The following OTUB1 variants were observed in gnomAD, a reference collection of about 807,000 sequenced individuals.
OTUB1 encodes ubiquitin thioesterase OTUB1.
A neutral mutation model predicts 35.8 loss-of-function variants in OTUB1; 10 were observed. The observed-to-expected ratio is 0.28, with a 90% CI of 0.17 to 0.47. OTUB1 has a LOEUF of 0.47. Among genes scored for constraint, OTUB1 ranks in the 20% least tolerant of loss-of-function variants. OTUB1 has a pLI of 0.99. For missense variants in OTUB1, 264 were observed against 351.6 expected, an observed-to-expected ratio of 0.75 and a Z score of 1.99; for synonymous variants, 158 against 143.8, an observed-to-expected ratio of 1.10 and a Z score of -0.71.
At position 63,996,513 on chromosome 11, in the gene OTUB1, T is replaced by C; in HGVS notation, c.220-17T>C. 6.2e-7 allele frequency: 1 copy of C among 1,613,410 alleles called. No individual in the cohort carries two copies. The highest frequency in any genetic ancestry group is 1.7e-4 in the Middle Eastern group (1 of 6,046). ...CTGGCCTGATGTTAACCTGTCGGGG[T>C]GGGGCTGTCTCCGCAGGACCTCCAC... On this transcript the variant is annotated splice_polypyrimidine_tract_variant and intron_variant, in intron 3 of 6. Coordinates refer to ENST00000538426, the MANE Select transcript of OTUB1 (RefSeq NM_017670.3).
At chr11:63,996,392 T>A (rs1942716800) in intron 3 of OTUB1, 138 bp from the exon 4 acceptor site, 1 of 861,802 alleles carries the variant, frequency 1.2e-6, no homozygotes, top group Admixed American at 2.5e-5. Flanking sequence ...GCAGCCTGTT[T>A]CAGGGACCCA....
At chr11:63,993,085 G>A (rs1424742447) in intron 3 of OTUB1, among the ~76,000 whole-genome samples, 1 of 152,254 alleles carries the variant, frequency 6.6e-6, no homozygotes. Flanking sequence ...TCTGCTGGAG[G>A]CGGGCAGCGG....
Position 63,986,501 on chromosome 11 carries a change from C to T in OTUB1, c.45C>T (p.Gly15=), listed in dbSNP as rs565620246. Residue 15 remains glycine (G), a synonymous_variant, in exon 1 of 7, where the codon GGC becomes GGT. Transcript: ENST00000538426. Reference sequence around the variant, plus strand: ...AGCAGCAGAAGCAGGAGCCGCTGGGCAGCGACTCCGAAGGTACAGATCCAA... The same window carrying T: ...AGCAGCAGAAGCAGGAGCCGCTGGGTAGCGACTCCGAAGGTACAGATCCAA... ...EPQQQKQEPL[G]SDSEGVNCLA... 5 of 1,551,928 alleles carry T rather than the reference C, an allele frequency of 3.2e-6. No homozygotes were observed. Among genetic ancestry groups the T allele is most frequent in the African/African-American group, 2.7e-5 (2 of 73,070 alleles).
chr11:63,995,007 T>C (rs923457601), intron 3 of OTUB1, among the ~76,000 whole-genome samples: 1 of 151,862 alleles, frequency 6.6e-6, no homozygotes, highest in African/African-American at 2.4e-5. Flanking sequence ...GTGGGAAAAA[T>C]TGATGATGGG....
At position 63,997,962 on chromosome 11, in the gene OTUB1, T is replaced by TTCA; in HGVS notation, c.*419_*421dup. 1.7e-6 allele frequency: 1 copy of TTCA among 587,724 alleles called. No homozygotes were observed. Among genetic ancestry groups the TTCA allele is most frequent in the South Asian group, 2.0e-5 (1 of 49,552 alleles). The allele number at this position is 587,724 out of a possible 1,614,324, so 36.4% of individuals were successfully genotyped here. A position where few individuals can be genotyped will look rare whatever the true frequency, so the allele number is the denominator to read the frequency against. Reference sequence around the variant, plus strand: ...CCCAGGGTCCCAGGGCCACCCACACTTCATCTGCTCCCTCATAGGCCCCAC... The same window carrying TTCA: ...CCCAGGGTCCCAGGGCCACCCACACTTCATCATCTGCTCCCTCATAGGCCCCAC... On this transcript the variant is annotated 3_prime_UTR_variant, in exon 7 of 7. Transcript: ENST00000538426.
intron 3 of OTUB1, among the ~76,000 whole-genome samples, chr11:63,993,955 CG>C (rs1230414037): frequency 2.0e-5 from 3 of 152,026 alleles, no homozygotes; most frequent in Admixed American, 2.0e-4. Flanking sequence ...GGTGAAATCC[CG>C]TCTCTACAAA....
chr11:63,992,289 G>T (rs1313550749), intron 3 of OTUB1, among the ~76,000 whole-genome samples: 3 of 152,072 alleles, frequency 2.0e-5, no homozygotes. Context: ...CCTTGCTGAT[G>T]AGGTGGTATT....
Position 63,997,855 on chromosome 11 carries a change from C to G in OTUB1, c.*309C>G, listed in dbSNP as rs1942740166. ...GGGCCAGGCCTCTTGGAGGCCCCTCCTGCTTCGTTGGGTTCTGCTTCCTTC... is the reference window on the plus strand; with the variant it reads ...GGGCCAGGCCTCTTGGAGGCCCCTCGTGCTTCGTTGGGTTCTGCTTCCTTC... On this transcript the variant is annotated 3_prime_UTR_variant, in exon 7 of 7. Transcript: ENST00000538426. 7 of 677,004 alleles carry G rather than the reference C, an allele frequency of 1.0e-5. No homozygotes were observed. In the East Asian group the frequency reaches 1.9e-4, roughly 18 times the overall value. The allele number at this position is 677,004 out of a possible 1,614,324, so 41.9% of individuals were successfully genotyped here. A position where few individuals can be genotyped will look rare whatever the true frequency, so the allele number is the denominator to read the frequency against.
Position 63,995,847 on chromosome 11 carries a change from G to A in OTUB1, c.220-683G>A, listed in dbSNP as rs1045623597. ...TGCCCAGGCCAGGGGAGTGAAGTGT[G>A]CTTGCCAGGTGAAGTGTGCGTGGTG... On this transcript the variant is annotated intron_variant, in intron 3 of 6. Coordinates refer to ENST00000538426, the MANE Select transcript of OTUB1 (RefSeq NM_017670.3). 3.3e-5 allele frequency among the ~76,000 whole-genome samples: 5 copies of A among 152,150 alleles called. No homozygotes were observed. The South Asian group carries it at 6.2e-4, about 19-fold the overall frequency.
In OTUB1 at chr11:63,988,689, G is replaced by A. The variant is rs139788271; in HGVS notation, c.156G>A (p.Leu52=). 5 of 1,613,436 alleles carry A rather than the reference G, an allele frequency of 3.1e-6. No individual in the cohort carries two copies. Among genetic ancestry groups the A allele is most frequent in the South Asian group, 2.2e-5 (2 of 91,068 alleles). The change falls in exon 3 of 7, where the codon CTG becomes CTA. Residue 52 remains leucine, a synonymous_variant. Transcript: ENST00000538426. ...AGAACCCTCTGGTGTCAGAGCGGCTGGAGCTCTCGGTCCTATACAAGGAGT... is the reference window on the plus strand; with the variant it reads ...AGAACCCTCTGGTGTCAGAGCGGCTAGAGCTCTCGGTCCTATACAAGGAGT... ...AVQNPLVSER[L]ELSVLYKEYA...
intron 1 of OTUB1, chr11:63,986,884 C>G (rs1942625978): frequency 9.0e-6 from 2 of 221,842 alleles, no homozygotes; most frequent in Admixed American, 1.2e-4. Context: ...GCCGAGCCCC[C>G]CGGCCTGCTC....
Position 63,988,368 on chromosome 11 carries a change from C to T in OTUB1, c.90C>T (p.Ile30=), listed in dbSNP as rs996980060. Residue 30 remains isoleucine, a synonymous_variant, in exon 2 of 7, where the codon ATC becomes ATT. Coordinates refer to ENST00000538426, the MANE Select transcript of OTUB1 (RefSeq NM_017670.3). The stretch of plus-strand genomic sequence containing the variant: ...ACTGTCTGGCCTATGATGAAGCCAT[C>T]ATGGCTCAGCAGGACCGAATTCAGC... ...GVNCLAYDEA[I]MAQQDRIQQE... 3 of 1,554,186 alleles carry T rather than the reference C, an allele frequency of 1.9e-6. No homozygotes were observed. Among genetic ancestry groups the T allele is most frequent in the African/African-American group, 1.4e-5 (1 of 73,264 alleles).
chr11:63,995,019 G>C (rs1942704153), intron 3 of OTUB1, among the ~76,000 whole-genome samples: 1 of 151,898 alleles, frequency 6.6e-6, no homozygotes. Context: ...GATGATGGGG[G>C]TACTTCCTAG....
chr11:63,998,388 T>C lies in OTUB1; in HGVS notation c.*842T>C. Reference sequence around the variant, plus strand: ...CTGTGAGCTCCTTGGGGGCAGGCCCTCAATAAATGTGAACTGCTGCTGCCG... The same window carrying C: ...CTGTGAGCTCCTTGGGGGCAGGCCCCCAATAAATGTGAACTGCTGCTGCCG... On this transcript the variant is annotated 3_prime_UTR_variant, in exon 7 of 7. Transcript: ENST00000538426. The C allele has an allele frequency of 5.9e-6, 1 of 170,478 alleles. No homozygotes were observed. The highest frequency in any genetic ancestry group is 1.2e-5 in the Non-Finnish European group (1 of 80,748). The allele number at this position is 170,478 out of a possible 1,614,324, so 10.6% of individuals were successfully genotyped here. A position where few individuals can be genotyped will look rare whatever the true frequency, so the allele number is the denominator to read the frequency against.
In OTUB1 at chr11:63,992,886, A is replaced by G. The variant is rs923658650; in HGVS notation, c.220-3644A>G. ...TTTTTAGTAGAGGCGGGGTTTCACC[A>G]TATTGGCTAGGCTGGTCTTGAACTC... On this transcript the variant is annotated intron_variant, in intron 3 of 6. Coordinates refer to ENST00000538426, the MANE Select transcript of OTUB1 (RefSeq NM_017670.3). Among the ~76,000 whole-genome samples the G allele has an allele frequency of 3.3e-5, 5 of 151,290 alleles. No individual in the cohort carries two copies. In the Middle Eastern group the frequency reaches 0.01, roughly 309 times the overall value.
intron 3 of OTUB1, among the ~76,000 whole-genome samples, chr11:63,992,568 T>G (rs1942682742): frequency 6.6e-6 from 1 of 150,790 alleles, no homozygotes; most frequent in African/African-American, 2.5e-5. Flanking sequence ...TGAGAGAGAG[T>G]GTTGCCCTGT....
chr11:63,989,106 G>A lies in OTUB1; in HGVS notation c.219+354G>A, dbSNP rs1001441355. Reference sequence around the variant, plus strand: ...AGGCCGAGGTGGGTGGATCCCCTGAGGTCAGGAGTTCGAGACCAGTCTGGC... The same window carrying A: ...AGGCCGAGGTGGGTGGATCCCCTGAAGTCAGGAGTTCGAGACCAGTCTGGC... On this transcript the variant is annotated intron_variant, in intron 3 of 6. Coordinates refer to ENST00000538426, the MANE Select transcript of OTUB1 (RefSeq NM_017670.3). 2 of 190,436 alleles carry A rather than the reference G, an allele frequency of 1.1e-5. 1 individual carries two copies. Among genetic ancestry groups the A allele is most frequent in the African/African-American group, 4.7e-5 (2 of 42,566 alleles). 11.8% of individuals were successfully genotyped at this position (190,436 alleles called of 1,614,324 possible).
intron 1 of OTUB1, chr11:63,987,175 G>C (rs1031026378): frequency 1.3e-5 from 2 of 152,310 alleles, no homozygotes; most frequent in Admixed American, 1.3e-4. Context: ...GGACCGCGTA[G>C]GTCATTGGGT....
intron 3 of OTUB1, among the ~76,000 whole-genome samples, chr11:63,991,238 T>C (rs1182568981): frequency 6.6e-6 from 1 of 152,052 alleles, no homozygotes; most frequent in Non-Finnish European, 1.5e-5. Context: ...TTGTGAGGGT[T>C]GAAGGAGATG....
Sources: gnomAD v4.1 joint callset for allele counts (sites outside exome capture counted in the v4.1 genomes callset) on GRCh38, gnomAD v4.1.1 for gene constraint, MANE v1.5 for transcripts, NCBI Gene and HGNC (gene_info 2026-07-23, HGNC 2026-07-21) for gene names.